Variants in PROSER2 observed in about 807,000 individuals in gnomAD.
PROSER2 encodes proline and serine rich 2, also known as proline and serine-rich protein 2.
Under a neutral mutation model 14.6 loss-of-function variants are expected in PROSER2, and 18 were observed. The observed-to-expected ratio is 1.23, with a 90% confidence interval of 0.85 to 1.83. The LOEUF (loss-of-function observed/expected upper bound fraction) is 1.83. Ranked by LOEUF, PROSER2 falls within the 40% of genes most tolerant of loss-of-function variation. The pLI is 0.00. For missense variants in PROSER2, 823 were observed against 629.8 expected, an observed-to-expected ratio of 1.31 and a Z score of -3.28; for synonymous variants, 367 against 286.4, an observed-to-expected ratio of 1.28 and a Z score of -2.84.
At chr10:11,827,194 CAAA>C (rs149113428) in intron 1 of PROSER2, among the ~76,000 whole-genome samples, 2 of 98,366 alleles carry the variant, frequency 2.0e-5, no homozygotes, top group Non-Finnish European at 4.3e-5. Flanking sequence ...CCTTCCTTTA[CAAA>C]AAAAAAAAAA....
intron 2 of PROSER2, among the ~76,000 whole-genome samples, chr10:11,859,520 G>A (rs1834194255): frequency 6.6e-6 from 1 of 152,104 alleles, no homozygotes; most frequent in Admixed American, 6.5e-5. Context: ...CAAACTTAAC[G>A]CTTTCTCCAA....
At position 11,852,006 on chromosome 10, in the gene PROSER2, G is replaced by A. The variant is rs137983726; in HGVS notation, c.-72G>A. 1.9e-5 allele frequency: 28 copies of A among 1,502,800 alleles called. No homozygotes were observed. The East Asian group carries it at 5.6e-4, about 30-fold the overall frequency. 93.1% of individuals were successfully genotyped at this position (1,502,800 alleles called of 1,614,324 possible). A position where few individuals can be genotyped will look rare whatever the true frequency, so the allele number is the denominator to read the frequency against. On this transcript the variant is annotated 5_prime_UTR_variant, in exon 2 of 4. Coordinates refer to ENST00000277570, the MANE Select transcript of PROSER2 (RefSeq NM_153256.4). ...TGTTTGGTGTCTCTAGGAGTGAGCT[G>A]TTGCCGCAGAATGGGCTGCTGGCTC...
In PROSER2 at chr10:11,862,611, T is replaced by G. The variant is rs1455862109; in HGVS notation, c.139-3920T>G. ...GGGGAGGCTGAGGTGGGAGGATCAC[T>G]TGAGCTGGGGAGACCTAGGCTGCAA... is the stretch of plus-strand genomic sequence containing the variant. On this transcript the variant is annotated intron_variant, in intron 2 of 3. Transcript: ENST00000277570. This position sits in a 1 kb window ranked among gnomAD's most constrained non-coding sequence, Gnocchi z 4.2. 1.3e-5 allele frequency among the ~76,000 whole-genome samples: 2 copies of G among 152,138 alleles called. No homozygotes were observed. The highest frequency in any genetic ancestry group is 1.3e-4 in the Admixed American group (2 of 15,276).
At position 11,844,883 on chromosome 10, in the gene PROSER2, A is replaced by G. The variant is rs577362237; in HGVS notation, c.-81-7114A>G. Among the ~76,000 whole-genome samples, 40 of 152,288 alleles carry G rather than the reference A, an allele frequency of 2.6e-4. No individual in the cohort carries two copies. In the East Asian group the frequency reaches 5.6e-3, roughly 21 times the overall value. On this transcript the variant is annotated intron_variant, in intron 1 of 3. Coordinates refer to ENST00000277570, the MANE Select transcript of PROSER2 (RefSeq NM_153256.4). ...GTGATCCGCCCGCCTTGGCCTCCCAAAGTGCTGGGATTACAGGCATAAGCC... is the reference window on the plus strand; with the variant it reads ...GTGATCCGCCCGCCTTGGCCTCCCAGAGTGCTGGGATTACAGGCATAAGCC...
chr10:11,834,302 A>G (rs1833728714), intron 1 of PROSER2, among the ~76,000 whole-genome samples: 1 of 151,186 alleles, frequency 6.6e-6, no homozygotes, highest in Admixed American at 6.6e-5. Context: ...CATGAGTAGC[A>G]CTTTCATAGG....
intron 2 of PROSER2, among the ~76,000 whole-genome samples, chr10:11,855,915 A>C (rs1834115436): frequency 6.6e-6 from 1 of 152,194 alleles, no homozygotes; most frequent in East Asian, 1.9e-4. Flanking sequence ...TTATTTCTCA[A>C]GAGGCTAGTT....
chr10:11,834,751 A>G (rs1285065924), intron 1 of PROSER2, among the ~76,000 whole-genome samples: 1 of 151,988 alleles, frequency 6.6e-6, no homozygotes, highest in African/African-American at 2.4e-5. Flanking sequence ...ATAAATACAT[A>G]AAACTCGGCC....
intron 1 of PROSER2, among the ~76,000 whole-genome samples, chr10:11,826,223 G>A (rs970170340): frequency 1.3e-5 from 2 of 151,938 alleles, no homozygotes; most frequent in African/African-American, 2.4e-5. Flanking sequence ...CCTTTTTATC[G>A]CCGAATAATG....
rs763071193 is a variant in PROSER2, at chr10:11,869,857, C to G, written c.759C>G (p.Phe253Leu). The G allele has an allele frequency of 7.5e-6, 12 of 1,592,590 alleles. No homozygotes were observed. Among genetic ancestry groups the G allele is most frequent in the Non-Finnish European group, 1.0e-5 (12 of 1,171,764 alleles). The change falls in exon 4 of 4, where the codon TTC becomes TTG. Residue 253 changes from phenylalanine to leucine, a missense_variant. Transcript: ENST00000277570. The surrounding 1 kb of genome is among the most constrained non-coding windows in gnomAD (Gnocchi z 4.4). The part of the protein sequence containing the change: ...SHPAQPKAPR[F>L]PSNIIVTNGA... Reference sequence around the variant, plus strand: ...CGGCGCAGCCCAAGGCACCCCGCTTCCCCAGCAACATCATCGTCACCAACG... The same window carrying G: ...CGGCGCAGCCCAAGGCACCCCGCTTGCCCAGCAACATCATCGTCACCAACG...
chr10:11,860,754 G>A (rs151016773), intron 2 of PROSER2, among the ~76,000 whole-genome samples: 64 of 152,294 alleles, frequency 4.2e-4, no homozygotes, highest in African/African-American at 1.2e-3. Flanking sequence ...AGCAAGGGTC[G>A]GTTGATGCTT....
At chr10:11,843,327 C>T (rs1259693061) in intron 1 of PROSER2, among the ~76,000 whole-genome samples, 9 of 149,506 alleles carry the variant, frequency 6.0e-5, no homozygotes, top group Non-Finnish European at 1.0e-4. Flanking sequence ...CAGAGGCAGG[C>T]GGATCACCTG....
At chr10:11,842,436 T>G (rs1047785353) in intron 1 of PROSER2, among the ~76,000 whole-genome samples, 4 of 150,920 alleles carry the variant, frequency 2.7e-5, no homozygotes, top group African/African-American at 7.3e-5. Flanking sequence ...ATGTTCTGGG[T>G]TTTTTTTTAG....
Position 11,869,876 on chromosome 10 carries a change from A to C in PROSER2, c.778A>C (p.Thr260Pro). 9 of 1,593,756 alleles carry C rather than the reference A, an allele frequency of 5.6e-6. No homozygotes were observed. The highest frequency in any genetic ancestry group is 7.7e-6 in the Non-Finnish European group (9 of 1,172,390). ...CCGCTTCCCCAGCAACATCATCGTC[A>C]CCAACGGCGCGGCCCGGGAGCCCCG... ...APRFPSNIIV[T>P]NGAAREPRRT... The change falls in exon 4 of 4, where the codon ACC becomes CCC. Residue 260 changes from threonine to proline, a missense_variant. By Grantham distance (38) the Thr-to-Pro change is conservative (BLOSUM62 -1). Coordinates refer to ENST00000277570, the MANE Select transcript of PROSER2 (RefSeq NM_153256.4). This position sits in a 1 kb window ranked among gnomAD's most constrained non-coding sequence, Gnocchi z 4.4.
intron 1 of PROSER2, among the ~76,000 whole-genome samples, chr10:11,832,411 T>G (rs1833700583): frequency 6.6e-6 from 1 of 152,240 alleles, no homozygotes; most frequent in South Asian, 2.1e-4. Flanking sequence ...CTGCAGCCTC[T>G]GTATTTCTGT....
rs1833778853 is a variant in PROSER2, at chr10:11,837,570, A to G, written c.-82+14100A>G. On this transcript the variant is annotated intron_variant, in intron 1 of 3. Coordinates refer to ENST00000277570, the MANE Select transcript of PROSER2 (RefSeq NM_153256.4). This position sits in a 1 kb window ranked among gnomAD's most constrained non-coding sequence, Gnocchi z 4.6. ...TTTTTGTGAAGTGTTTGCAATGGCA[A>G]TGAGTTGCGTAACATAGACATACTA... is the stretch of plus-strand genomic sequence containing the variant. Among the ~76,000 whole-genome samples the G allele has an allele frequency of 1.3e-5, 2 of 152,350 alleles. No individual in the cohort carries two copies. The highest frequency in any genetic ancestry group is 2.1e-4 in the South Asian group (1 of 4,828).
chr10:11,842,931 C>CTTTTTGTTTTTTTTTTTTTTTTT (rs1833866062), intron 1 of PROSER2, among the ~76,000 whole-genome samples: 1 of 51,956 alleles, frequency 1.9e-5, no homozygotes, highest in Non-Finnish European at 3.7e-5. Context: ...TGCCATTGTT[C>CTTTTTGTTTTTTTTTTTTTTTTT]TTTTTTTTTT....
chr10:11,833,730 C>T (rs980915714), intron 1 of PROSER2, among the ~76,000 whole-genome samples: 2 of 152,056 alleles, frequency 1.3e-5, no homozygotes, highest in African/African-American at 2.4e-5. Flanking sequence ...AGGAGTTTAT[C>T]GTCTAATGGA....
chr10:11,864,581 A>G (rs925056025), intron 2 of PROSER2, among the ~76,000 whole-genome samples: 1 of 145,538 alleles, frequency 6.9e-6, no homozygotes, highest in African/African-American at 2.5e-5. Flanking sequence ...TGATTTCTGA[A>G]TTTTTTTTTT....
At chr10:11,825,978 A>G (rs1833606501) in intron 1 of PROSER2, among the ~76,000 whole-genome samples, 1 of 152,128 alleles carries the variant, frequency 6.6e-6, no homozygotes, top group African/African-American at 2.4e-5. Context: ...CACCACTATC[A>G]AGTTCCAGAA....
Sources: gnomAD v4.1 joint callset for allele counts (sites outside exome capture counted in the v4.1 genomes callset) on GRCh38, gnomAD v4.1.1 for gene constraint, Gnocchi (gnomAD v3.1) non-coding constraint, MANE v1.5 for transcripts, NCBI Gene and HGNC (gene_info 2026-07-23, HGNC 2026-07-21) for gene names.